Variants in COL24A1 observed in about 807,000 individuals in gnomAD.
COL24A1 encodes the protein collagen alpha-1(XXIV) chain.
Under a neutral mutation model 253.9 loss-of-function variants are expected in COL24A1, and 224 were observed. The ratio of observed to expected loss-of-function variants is 0.88; its 90% CI spans 0.79 to 0.99. COL24A1 has a LOEUF of 0.99. COL24A1 is among the 50% of genes least tolerant of loss of function. COL24A1 has a pLI of 0.00. For missense variants in COL24A1, 2,131 were observed against 2,068.5 expected, an observed-to-expected ratio of 1.03 and a Z score of -0.59; for synonymous variants, 685 against 673.7, an observed-to-expected ratio of 1.02 and a Z score of -0.26.
At chr1:85,842,832 T>C (rs1272096304) in intron 39 of COL24A1, among the ~76,000 whole-genome samples, 1 of 152,132 alleles carries the variant, frequency 6.6e-6, no homozygotes, top group East Asian at 1.9e-4. Flanking sequence ...ATGATGAATA[T>C]GGTTTTAGTC....
chr1:85,926,509 C>G (rs74511078), intron 24 of COL24A1, among the ~76,000 whole-genome samples: 63 of 152,076 alleles, frequency 4.1e-4, no homozygotes, highest in African/African-American at 1.4e-3. Context: ...GAGTTCATGT[C>G]CTTTGCAGGG....
chr1:86,114,829 T>G (rs1249938402), intron 4 of COL24A1, among the ~76,000 whole-genome samples: 1 of 152,218 alleles, frequency 6.6e-6, no homozygotes, highest in African/African-American at 2.4e-5. Flanking sequence ...AAACTAATTT[T>G]AACATAGCAA....
chr1:86,127,216 T>A (rs1215677960), intron 2 of COL24A1, among the ~76,000 whole-genome samples: 1 of 152,092 alleles, frequency 6.6e-6, no homozygotes, highest in Non-Finnish European at 1.5e-5. Context: ...TCCTCCAGAG[T>A]AACTTTTATC....
intron 47 of COL24A1, among the ~76,000 whole-genome samples, chr1:85,796,543 CT>C (rs1670824305): frequency 6.6e-6 from 1 of 152,276 alleles, no homozygotes; most frequent in African/African-American, 2.4e-5. Context: ...CTCATACTAT[CT>C]TATTTGATTC....
chr1:86,109,720 C>T (rs141668834), intron 5 of COL24A1, among the ~76,000 whole-genome samples: 1 of 152,328 alleles, frequency 6.6e-6, no homozygotes, highest in Non-Finnish European at 1.5e-5. Flanking sequence ...TAATCCTTAT[C>T]TAATCTTCCC....
chr1:85,959,343 G>C (rs1690788810), intron 24 of COL24A1, among the ~76,000 whole-genome samples: 2 of 152,052 alleles, frequency 1.3e-5, no homozygotes, highest in South Asian at 4.1e-4. Context: ...CTCAAAGTTG[G>C]AAAGGTCTTT....
intron 14 of COL24A1, among the ~76,000 whole-genome samples, chr1:86,027,375 GA>G (rs1218004458): frequency 3.3e-5 from 5 of 152,022 alleles, no homozygotes; most frequent in Admixed American, 6.5e-5. Flanking sequence ...AGGCCTAGGA[GA>G]AAAAAAAGGT....
intron 20 of COL24A1, among the ~76,000 whole-genome samples, chr1:85,977,858 A>C (rs749037991): frequency 6.6e-6 from 1 of 152,202 alleles, no homozygotes; most frequent in Non-Finnish European, 1.5e-5. Flanking sequence ...AGAGACATCC[A>C]AATATAAGAA....
At chr1:85,765,694 C>T (rs1431936735) in intron 53 of COL24A1, among the ~76,000 whole-genome samples, 1 of 152,004 alleles carries the variant, frequency 6.6e-6, no homozygotes, top group Non-Finnish European at 1.5e-5. Context: ...TGAGCTATGG[C>T]TGCACCACTG....
At chr1:86,134,244 T>A (rs1274206479) in intron 2 of COL24A1, among the ~76,000 whole-genome samples, 1 of 149,316 alleles carries the variant, frequency 6.7e-6, no homozygotes, top group East Asian at 2.0e-4. Context: ...CTCTGTTTTC[T>A]TCTTTATTGG....
At chr1:86,029,336 GT>G (rs1698338360) in intron 14 of COL24A1, among the ~76,000 whole-genome samples, 1 of 152,182 alleles carries the variant, frequency 6.6e-6, no homozygotes, top group Non-Finnish European at 1.5e-5. Flanking sequence ...ATAGTCATGG[GT>G]TGGTCTGAGA....
At chr1:86,097,475 T>C (rs1571906203) in intron 5 of COL24A1, among the ~76,000 whole-genome samples, 1 of 38,344 alleles carries the variant, frequency 2.6e-5, no homozygotes, top group Non-Finnish European at 5.6e-5. Context: ...CTCCTCCTCC[T>C]CCCTCCTCCT....
intron 19 of COL24A1, among the ~76,000 whole-genome samples, chr1:85,990,034 C>T (rs1451779393): frequency 6.6e-6 from 1 of 152,184 alleles, no homozygotes; most frequent in Non-Finnish European, 1.5e-5. Context: ...ATATTCTCTG[C>T]AACTAGTACA....
At chr1:86,140,704 A>T (rs1650952334) in intron 2 of COL24A1, among the ~76,000 whole-genome samples, 1 of 152,222 alleles carries the variant, frequency 6.6e-6, no homozygotes. Context: ...ATTGTAGAGA[A>T]GTGTTGTAGC....
At chr1:85,811,668 A>G (rs908445093) in intron 47 of COL24A1, among the ~76,000 whole-genome samples, 1 of 152,124 alleles carries the variant, frequency 6.6e-6, no homozygotes. Flanking sequence ...GTGTGACGTG[A>G]TATCTCATTT....
At chr1:85,795,238 C>G (rs549951083) in intron 47 of COL24A1, among the ~76,000 whole-genome samples, 7 of 152,172 alleles carry the variant, frequency 4.6e-5, no homozygotes, top group African/African-American at 1.7e-4. Flanking sequence ...ATGGAAAGAT[C>G]TGGGAAGGAA....
intron 20 of COL24A1, among the ~76,000 whole-genome samples, chr1:85,984,676 T>C: frequency 6.6e-6 from 1 of 151,896 alleles, no homozygotes; most frequent in Non-Finnish European, 1.5e-5. Flanking sequence ...TCTCTCAACT[T>C]CCTTCATACT....
At position 85,860,494 on chromosome 1, in the gene COL24A1, C is replaced by G. The variant is rs1481238872; in HGVS notation, c.3300+8025G>C. On this transcript the variant is annotated intron_variant, in intron 37 of 59. Transcript: ENST00000370571. ...CAGTGGCTCACGCCTGTAATCCCAG[C>G]AGTTTGGGAGGCAGAGGCGGGCAGA... is the stretch of plus-strand genomic sequence containing the variant. Among the ~76,000 whole-genome samples the G allele has an allele frequency of 2.0e-5, 3 of 152,304 alleles. No homozygotes were observed. The East Asian group carries it at 5.8e-4, about 29-fold the overall frequency.
chr1:85,914,175 G>C (rs1571197519), intron 24 of COL24A1, among the ~76,000 whole-genome samples: 1 of 152,128 alleles, frequency 6.6e-6, no homozygotes, highest in African/African-American at 2.4e-5. Context: ...TGAGGTGCTT[G>C]CTGATGGCAA....
Sources: allele counts gnomAD v4.1 joint callset (sites outside exome capture counted in the v4.1 genomes callset), GRCh38; gene constraint gnomAD v4.1.1; transcripts MANE v1.5; gene names NCBI Gene and HGNC (gene_info 2026-07-23, HGNC 2026-07-21).